SNX29: variants seen among roughly 807,000 people sequenced by gnomAD.
SNX29 encodes sorting nexin-29.
In SNX29, 78 loss-of-function variants were observed where a neutral mutation model predicts 102.1. The observed-to-expected ratio is 0.76, with a 90% CI of 0.64 to 0.92. The LOEUF (loss-of-function observed/expected upper bound fraction) is 0.92, where lower values mean the gene tolerates loss of function less well. Ranked by LOEUF, SNX29 falls within the 40% of genes least tolerant of loss-of-function variation. SNX29 has a pLI of 0.00. For missense variants in SNX29, 1,280 were observed against 1,061.7 expected (o/e 1.21, Z -2.86); for synonymous variants, 580 against 414.5 (o/e 1.40, Z -4.85).
At chr16:12,547,466 G>A (rs1269377791) in intron 20 of SNX29, among the ~76,000 whole-genome samples, 3 of 152,114 alleles carry the variant, frequency 2.0e-5, no homozygotes, top group African/African-American at 4.8e-5. Flanking sequence ...GCCTGGGAAG[G>A]GGTATTCTCA....
intron 18 of SNX29, among the ~76,000 whole-genome samples, chr16:12,446,795 C>T (rs909807513): frequency 6.6e-6 from 1 of 152,028 alleles, no homozygotes; most frequent in Admixed American, 6.6e-5. Flanking sequence ...ATGAAATGGC[C>T]GTTATTCACC....
chr16:12,521,926 G>A (rs1380157022), intron 19 of SNX29, among the ~76,000 whole-genome samples: 5 of 152,224 alleles, frequency 3.3e-5, no homozygotes. Flanking sequence ...CAGCTGGACT[G>A]ATGGTGACAT....
chr16:12,112,645 T>C (rs557022908), intron 11 of SNX29, among the ~76,000 whole-genome samples: 2 of 152,310 alleles, frequency 1.3e-5, no homozygotes, highest in African/African-American at 4.8e-5. Context: ...CCAGGTCTCT[T>C]CTGGCAAGAC....
chr16:12,377,113 G>A (rs2082903056), intron 16 of SNX29, among the ~76,000 whole-genome samples: 1 of 152,174 alleles, frequency 6.6e-6, no homozygotes, highest in African/African-American at 2.4e-5. Context: ...TGTTCTCCAG[G>A]CCTATACAAG....
intron 17 of SNX29, among the ~76,000 whole-genome samples, chr16:12,401,109 G>T (rs1028529204): frequency 1.3e-5 from 2 of 152,078 alleles, no homozygotes; most frequent in African/African-American, 4.8e-5. Context: ...GAGATTACAG[G>T]CGTGAGCCAC....
chr16:12,399,878 G>A lies in SNX29; in HGVS notation c.1955+1377G>A, dbSNP rs186000157. 1.5e-3 allele frequency among the ~76,000 whole-genome samples: 222 copies of A among 152,194 alleles called. 1 individual carries two copies. The highest frequency in any genetic ancestry group is 4.7e-3 in the African/African-American group (196 of 41,528). Reference sequence around the variant, plus strand: ...AGAGGCTCCTGGAACGGCAGAGTCCGGCGGAGGGCAGCTGTGGGAAGAAAC... The same window carrying A: ...AGAGGCTCCTGGAACGGCAGAGTCCAGCGGAGGGCAGCTGTGGGAAGAAAC... On this transcript the variant is annotated intron_variant, in intron 17 of 20. Transcript: ENST00000566228.
chr16:12,523,173 G>C (rs540557762), intron 19 of SNX29, among the ~76,000 whole-genome samples: 1 of 152,288 alleles, frequency 6.6e-6, no homozygotes, highest in Non-Finnish European at 1.5e-5. Flanking sequence ...TCTCGTTGCT[G>C]ACAGATTGTG....
chr16:12,533,811 G>A (rs2076996078), intron 20 of SNX29, among the ~76,000 whole-genome samples: 1 of 152,126 alleles, frequency 6.6e-6, no homozygotes, highest in Admixed American at 6.5e-5. Flanking sequence ...CCATCAAAAG[G>A]GATCAGCCAC....
intron 14 of SNX29, among the ~76,000 whole-genome samples, chr16:12,217,114 G>C (rs893244990): frequency 6.6e-6 from 1 of 152,134 alleles, no homozygotes; most frequent in African/African-American, 2.4e-5. Flanking sequence ...CCTCATCCTT[G>C]ACTTCCCAGG....
At chr16:12,448,471 C>CTTTT (rs5815689) in intron 18 of SNX29, among the ~76,000 whole-genome samples, 1 of 147,782 alleles carries the variant, frequency 6.8e-6, no homozygotes, top group African/African-American at 2.5e-5. Flanking sequence ...ATTGGGAACT[C>CTTTT]TTTTTTTTTT....
intron 2 of SNX29, among the ~76,000 whole-genome samples, chr16:12,001,673 A>G (rs991459607): frequency 2.0e-5 from 3 of 152,156 alleles, no homozygotes; most frequent in African/African-American, 7.2e-5. Flanking sequence ...TAATAAGTTT[A>G]GGAACCCTGC....
intron 14 of SNX29, among the ~76,000 whole-genome samples, chr16:12,273,503 C>T (rs57135886): frequency 0.029 from 4,463 of 151,846 alleles, 197 homozygotes; most frequent in African/African-American, 0.1. Context: ...GGGTTACAGG[C>T]GCACACCACC....
intron 19 of SNX29, among the ~76,000 whole-genome samples, chr16:12,512,816 C>T (rs1397183219): frequency 6.6e-6 from 1 of 152,140 alleles, no homozygotes; most frequent in Non-Finnish European, 1.5e-5. Flanking sequence ...TGAATCCGAT[C>T]CCATGGACTC....
intron 3 of SNX29, among the ~76,000 whole-genome samples, chr16:12,013,500 A>AT (rs1555518837): frequency 1.0e-3 from 32 of 31,604 alleles, no homozygotes; most frequent in African/African-American, 1.6e-3. Context: ...AAAAAAAAAA[A>AT]ATATATATAT....
intron 15 of SNX29, among the ~76,000 whole-genome samples, chr16:12,281,919 T>C (rs2079443297): frequency 6.6e-6 from 1 of 151,466 alleles, no homozygotes; most frequent in African/African-American, 2.4e-5. Flanking sequence ...ATAGAATCTG[T>C]TTCCATTCTC....
At chr16:11,999,536 G>A (rs1366105672) in intron 2 of SNX29, among the ~76,000 whole-genome samples, 178 bp downstream of exon 2, 1 of 152,196 alleles carries the variant, frequency 6.6e-6, no homozygotes, top group Non-Finnish European at 1.5e-5. Flanking sequence ...TCAAGGTTGG[G>A]TTGGAGGAAG....
intron 3 of SNX29, among the ~76,000 whole-genome samples, chr16:12,020,988 T>C (rs2057002060): frequency 6.6e-6 from 1 of 152,210 alleles, no homozygotes; most frequent in African/African-American, 2.4e-5. Flanking sequence ...ATCTGAGATA[T>C]GGCTCATACT....
chr16:12,421,930 T>G (rs1285282132), intron 18 of SNX29, among the ~76,000 whole-genome samples: 818 of 63,182 alleles, frequency 0.013, 10 homozygotes, highest in African/African-American at 0.028. Flanking sequence ...ACCATCATCA[T>G]CCGTCCATCA....
At position 12,376,736 on chromosome 16, in the gene SNX29, CAAAAAAAAAAA is replaced by C. The variant is rs71408262; in HGVS notation, c.1899+20469_1899+20479del. Among the ~76,000 whole-genome samples the C allele has an allele frequency of 1.7e-3, 129 of 77,934 alleles. 1 individual carries two copies. Among genetic ancestry groups the C allele is most frequent in the African/African-American group, 6.5e-3 (123 of 19,048 alleles). 51.1% of individuals were successfully genotyped at this position (77,934 alleles called of 152,430 possible). A position where few individuals can be genotyped will look rare whatever the true frequency, so the allele number is the denominator to read the frequency against. Reference sequence around the variant, plus strand: ...TGGGCAACAAACCAAGACTCTGTCTCAAAAAAAAAAAAAAAAAAAAAAGAACAATTCTATGG... The same window carrying C: ...TGGGCAACAAACCAAGACTCTGTCTCAAAAAAAAAAAGAACAATTCTATGG... On this transcript the variant is annotated intron_variant, in intron 16 of 20. Transcript: ENST00000566228.
Sources: gnomAD v4.1 joint callset for allele counts (sites outside exome capture counted in the v4.1 genomes callset) on GRCh38, gnomAD v4.1.1 for gene constraint, MANE v1.5 for transcripts, NCBI Gene and HGNC (gene_info 2026-07-23, HGNC 2026-07-21) for gene names.